SGF29: variants seen among roughly 807,000 people sequenced by gnomAD.
SGF29 encodes SAGA-associated factor 29.
Under a neutral mutation model 38.1 loss-of-function variants are expected in SGF29, and 15 were observed. The ratio of observed to expected loss-of-function variants is 0.39; its 90% CI spans 0.26 to 0.61. SGF29 has a LOEUF of 0.61. Among genes scored for constraint, SGF29 ranks in the 20% least tolerant of loss-of-function variants. SGF29 has a pLI of 0.49. For missense variants in SGF29, 184 were observed against 394.6 expected, an observed-to-expected ratio of 0.47 and a Z score of 4.52; for synonymous variants, 151 against 160.8, an observed-to-expected ratio of 0.94 and a Z score of 0.46.
At chr16:28,554,888 C>T (rs576589599) in intron 1 of SGF29, among the ~76,000 whole-genome samples, 1 of 152,362 alleles carries the variant, frequency 6.6e-6, no homozygotes, top group African/African-American at 2.4e-5. Flanking sequence ...CTGTGGATCA[C>T]TGCCCCTCCT....
intron 1 of SGF29, among the ~76,000 whole-genome samples, chr16:28,563,533 A>G (rs1039321756): frequency 6.6e-6 from 1 of 152,094 alleles, no homozygotes; most frequent in African/African-American, 2.4e-5. Context: ...TTTATGAGAT[A>G]CACACCATTT....
At chr16:28,583,386 C>G (rs1024931974) in intron 2 of SGF29, among the ~76,000 whole-genome samples, 1 of 152,154 alleles carries the variant, frequency 6.6e-6, no homozygotes, top group Non-Finnish European at 1.5e-5. Context: ...GCAAGTATCC[C>G]CCCCCAACCC....
chr16:28,557,147 A>G (rs1282435743), intron 1 of SGF29, among the ~76,000 whole-genome samples: 1 of 152,178 alleles, frequency 6.6e-6, no homozygotes, highest in African/African-American at 2.4e-5. Flanking sequence ...AGGGCCAGCA[A>G]TTTTAGGCTG....
intron 1 of SGF29, among the ~76,000 whole-genome samples, chr16:28,561,155 G>A (rs1054295367): frequency 6.6e-6 from 1 of 152,150 alleles, no homozygotes; most frequent in East Asian, 1.9e-4. Flanking sequence ...AATTTGGGAG[G>A]CTGAGTCGGG....
rs776903564 is a variant in SGF29, at chr16:28,589,128, G to A, written c.253G>A (p.Ala85Thr). ...NILRKALDKI[A>T]EIKSLLEERR... ...CCTTCGGAAAGCTCTGGACAAGATC[G>A]CGGAAATCAAGTCTCTGTTGGAAGA... Residue 85 changes from alanine (A) to threonine (T), a missense_variant, in exon 5 of 10, where the codon GCG becomes ACG. Coordinates refer to ENST00000317058, the MANE Select transcript of SGF29 (RefSeq NM_138414.3). The A allele has an allele frequency of 7.4e-6, 12 of 1,614,036 alleles. No individual in the cohort carries two copies. Among genetic ancestry groups the A allele is most frequent in the Admixed American group, 1.7e-5 (1 of 60,008 alleles).
At position 28,554,065 on chromosome 16, in the gene SGF29, C is replaced by T. The variant is rs925242099; in HGVS notation, c.-48C>T. On this transcript the variant is annotated 5_prime_UTR_variant, in exon 1 of 10. Coordinates refer to ENST00000317058, the MANE Select transcript of SGF29 (RefSeq NM_138414.3). ...GCGCCTGCTCCCCTCGTCGCAGTTT[C>T]CAGCCCGACGAGCTTGTTTTGTCCC... is the stretch of plus-strand genomic sequence containing the variant. The T allele has an allele frequency of 1.3e-5, 2 of 152,388 alleles. No homozygotes were observed. The highest frequency in any genetic ancestry group is 2.4e-5 in the African/African-American group (1 of 41,472). The allele number at this position is 152,388 out of a possible 1,614,324, so 9.4% of individuals were successfully genotyped here.
intron 1 of SGF29, among the ~76,000 whole-genome samples, chr16:28,558,841 T>C (rs1476006398): frequency 6.6e-6 from 1 of 152,098 alleles, no homozygotes; most frequent in East Asian, 1.9e-4. Flanking sequence ...ATGTCTAGAA[T>C]AGGCAAATCT....
intron 1 of SGF29, among the ~76,000 whole-genome samples, chr16:28,566,154 G>A (rs1254828133): frequency 1.3e-5 from 2 of 151,718 alleles, no homozygotes; most frequent in Admixed American, 6.6e-5. Context: ...GGCGCCTGTA[G>A]TCCCAGCTAC....
intron 2 of SGF29, among the ~76,000 whole-genome samples, chr16:28,581,512 A>G (rs1157283606): frequency 6.6e-6 from 1 of 151,448 alleles, no homozygotes; most frequent in Non-Finnish European, 1.5e-5. Context: ...TTTTCCTTCC[A>G]CCCTATTAAT....
chr16:28,568,313 C>CAAAA (rs148414167), intron 1 of SGF29, among the ~76,000 whole-genome samples: 29 of 54,256 alleles, frequency 5.3e-4, no homozygotes, highest in Non-Finnish European at 8.1e-4. Flanking sequence ...AACTCCATCT[C>CAAAA]AAAAAAAAAA....
intron 1 of SGF29, among the ~76,000 whole-genome samples, chr16:28,569,846 A>G (rs1490337957): frequency 1.3e-5 from 2 of 152,140 alleles, no homozygotes; most frequent in Non-Finnish European, 2.9e-5. Flanking sequence ...GGGCAGAACC[A>G]TTTCAAGGCT....
chr16:28,568,662 G>A (rs908027374), intron 1 of SGF29, among the ~76,000 whole-genome samples: 5 of 151,894 alleles, frequency 3.3e-5, no homozygotes, highest in African/African-American at 9.7e-5. Flanking sequence ...CGCCTGTAAT[G>A]CCAGCACTTT....
intron 3 of SGF29, chr16:28,585,382 T>C (rs1322696331): frequency 8.9e-6 from 5 of 562,844 alleles, no homozygotes; most frequent in Non-Finnish European, 1.3e-5. Context: ...TCCTGGGTCC[T>C]GACAAATATT....
At chr16:28,589,791 A>G (rs1446704771) in intron 5 of SGF29, among the ~76,000 whole-genome samples, 1 of 152,222 alleles carries the variant, frequency 6.6e-6, no homozygotes, top group Non-Finnish European at 1.5e-5. Flanking sequence ...CTAACTGAAC[A>G]CACTTCTGTA....
intron 1 of SGF29, 27 bp downstream of exon 1, chr16:28,554,124 G>A (rs77535137): frequency 0.043 from 6,494 of 152,416 alleles, 255 homozygotes; most frequent in East Asian, 0.2. Context: ...CGTGGCCTGA[G>A]ACCTCCGGCG....
Position 28,570,495 on chromosome 16 carries a change from T to G in SGF29, c.-15-10560T>G, listed in dbSNP as rs557541949. Among the ~76,000 whole-genome samples the G allele has an allele frequency of 1.8e-3, 279 of 152,282 alleles. 2 individuals are homozygous for G. The highest frequency in any genetic ancestry group is 3.4e-3 in the Middle Eastern group (1 of 294). On this transcript the variant is annotated intron_variant, in intron 1 of 9. Coordinates refer to ENST00000317058, the MANE Select transcript of SGF29 (RefSeq NM_138414.3). ...GTGGGGAATTTGCCCCAGGATGAAT[T>G]GTACTTTGAGTCTCACCCATACCTG...
At chr16:28,564,565 ACG>A (rs1449481055) in intron 1 of SGF29, among the ~76,000 whole-genome samples, 1 of 121,070 alleles carries the variant, frequency 8.3e-6, no homozygotes, top group Non-Finnish European at 1.8e-5. Context: ...ATATATATAT[ACG>A]TATATATATA....
chr16:28,566,012 G>A (rs1239966418), intron 1 of SGF29, among the ~76,000 whole-genome samples: 1 of 151,058 alleles, frequency 6.6e-6, no homozygotes, highest in African/African-American at 2.4e-5. Flanking sequence ...GGTGGCTCAC[G>A]CCTGTAATCC....
At position 28,556,900 on chromosome 16, in the gene SGF29, G is replaced by A. The variant is rs140797350; in HGVS notation, c.-16+2803G>A. Among the ~76,000 whole-genome samples the A allele has an allele frequency of 1.7e-3, 259 of 152,116 alleles. 1 individual carries two copies. The highest frequency in any genetic ancestry group is 6.8e-3 in the South Asian group (33 of 4,818). On this transcript the variant is annotated intron_variant, in intron 1 of 9. Transcript: ENST00000317058. Reference sequence around the variant, plus strand: ...TGACTTCAAGTGATCCTCCCATTTCGGCCTCCCAAAATGCTGGGATTACGG... The same window carrying A: ...TGACTTCAAGTGATCCTCCCATTTCAGCCTCCCAAAATGCTGGGATTACGG...
Sources: allele counts gnomAD v4.1 joint callset (sites outside exome capture counted in the v4.1 genomes callset), GRCh38; gene constraint gnomAD v4.1.1; transcripts MANE v1.5; gene names NCBI Gene and HGNC (gene_info 2026-07-23, HGNC 2026-07-21).